PTGER4: variants seen among roughly 807,000 people sequenced by gnomAD.
PTGER4 encodes the protein prostaglandin E2 receptor EP4 subtype.
Under a neutral mutation model 33.2 loss-of-function variants are expected in PTGER4, and 11 were observed. That is an observed-to-expected ratio of 0.33 (90% CI 0.21 to 0.55). The LOEUF is 0.55. Among genes scored for constraint, PTGER4 ranks in the 20% least tolerant of loss-of-function variants. The pLI is 0.92. For missense variants in PTGER4, 481 were observed against 650.2 expected (o/e 0.74, Z 2.83); for synonymous variants, 275 against 281.5 (o/e 0.98, Z 0.23).
At chr5:40,709,261 C>T in the PTGER4 span, among the ~76,000 whole-genome samples, 1 of 152,176 alleles carries the variant, frequency 6.6e-6, no homozygotes, top group Non-Finnish European at 1.5e-5. Context: ...TTGCAGATGA[C>T]ATAATTGTAT....
the PTGER4 span, among the ~76,000 whole-genome samples, chr5:40,699,971 A>G: frequency 6.6e-6 from 1 of 152,230 alleles, no homozygotes; most frequent in Non-Finnish European, 1.5e-5. Flanking sequence ...GGCAAGAGAA[A>G]GATATAAAAG....
chr5:40,746,748 G>C, the PTGER4 span: 1 of 1,373,652 alleles, frequency 7.3e-7, no homozygotes, highest in Non-Finnish European at 1.0e-6. Flanking sequence ...CGGACAGTGA[G>C]CTAGAAAATG....
the PTGER4 span, among the ~76,000 whole-genome samples, chr5:40,736,390 T>C: frequency 6.6e-6 from 1 of 152,206 alleles, no homozygotes; most frequent in Admixed American, 6.5e-5. Flanking sequence ...AAATGCATGG[T>C]AAATTCTAAT....
chr5:40,741,642 T>A, the PTGER4 span, among the ~76,000 whole-genome samples: 1 of 152,182 alleles, frequency 6.6e-6, no homozygotes, highest in African/African-American at 2.4e-5. Context: ...CTGTGGTCTA[T>A]CTGGTTTCCT....
In PTGER4 at chr5:40,681,421, T is replaced by C. The variant is rs762995858; in HGVS notation, c.428T>C (p.Val143Ala). Residue 143 changes from valine to alanine, a missense_variant, in exon 2 of 3, where the codon GTC becomes GCC. Physicochemically the swap from Val to Ala is moderately conservative, Grantham distance 64. Around this residue, in one of 7 missense-constraint regions of PTGER4, gnomAD observed 43 missense variants for 39.4 expected, o/e 1.09. Transcript: ENST00000302472. The surrounding 1 kb of genome is among the most constrained non-coding windows in gnomAD (Gnocchi z 9.8). ...TTGGCGGGCCTCACGCTCTTTGCAGTCTATGCGTCCAACGTGCTCTTTTGC... is the reference window on the plus strand; with the variant it reads ...TTGGCGGGCCTCACGCTCTTTGCAGCCTATGCGTCCAACGTGCTCTTTTGC... ...KRLAGLTLFA[V>A]YASNVLFCAL... 1.9e-6 allele frequency: 3 copies of C among 1,613,966 alleles called. No individual in the cohort carries two copies. Among genetic ancestry groups the C allele is most frequent in the Non-Finnish European group, 2.5e-6 (3 of 1,180,020 alleles).
chr5:40,746,668 T>A, the PTGER4 span: 1 of 692,854 alleles, frequency 1.4e-6, no homozygotes. Context: ...CTTATTTCTT[T>A]GATTAATTTA....
the PTGER4 span, among the ~76,000 whole-genome samples, chr5:40,742,376 A>G: frequency 1.2e-4 from 18 of 152,210 alleles, no homozygotes. Context: ...GACAGGCAAT[A>G]TATTAAGTAC....
At chr5:40,708,980 C>T in the PTGER4 span, among the ~76,000 whole-genome samples, 1 of 152,204 alleles carries the variant, frequency 6.6e-6, no homozygotes, top group Non-Finnish European at 1.5e-5. Flanking sequence ...CAAAATTCAA[C>T]AGCACTTCAT....
chr5:40,734,604 T>C, the PTGER4 span, among the ~76,000 whole-genome samples: 63 of 152,270 alleles, frequency 4.1e-4, no homozygotes, highest in Non-Finnish European at 7.8e-4. Flanking sequence ...CAAATAGAAA[T>C]GTCAATGTGT....
chr5:40,716,254 G>T, the PTGER4 span: 2 of 1,614,154 alleles, frequency 1.2e-6, no homozygotes, highest in South Asian at 2.2e-5. Context: ...TGTTTTATTT[G>T]CTGAAACTGT....
the PTGER4 span, among the ~76,000 whole-genome samples, chr5:40,724,987 C>T: frequency 6.6e-6 from 1 of 151,582 alleles, no homozygotes; most frequent in African/African-American, 2.4e-5. Flanking sequence ...GCTGGAACTA[C>T]AGGCACACAC....
chr5:40,728,461 G>C, the PTGER4 span: 1 of 1,610,558 alleles, frequency 6.2e-7, no homozygotes, highest in Non-Finnish European at 8.5e-7. Flanking sequence ...AACATTTCAT[G>C]AAGAGACATT....
chr5:40,745,810 C>G, the PTGER4 span, among the ~76,000 whole-genome samples: 4,100 of 151,906 alleles, frequency 0.027, 59 homozygotes, highest in Middle Eastern at 0.058. Context: ...TCATAGCTCA[C>G]CGCATCCTCG....
At chr5:40,724,685 TA>T in the PTGER4 span, among the ~76,000 whole-genome samples, 1 of 151,774 alleles carries the variant, frequency 6.6e-6, no homozygotes, top group Non-Finnish European at 1.5e-5. Flanking sequence ...ATAAAGCTCA[TA>T]AACAAACTTT....
chr5:40,731,501 G>A, the PTGER4 span, among the ~76,000 whole-genome samples: 2 of 152,192 alleles, frequency 1.3e-5, no homozygotes, highest in Admixed American at 6.5e-5. Context: ...AAACTTACAA[G>A]GATGGCAGAA....
At chr5:40,731,318 T>A in the PTGER4 span, among the ~76,000 whole-genome samples, 1 of 152,098 alleles carries the variant, frequency 6.6e-6, no homozygotes, top group Non-Finnish European at 1.5e-5. Flanking sequence ...GTTTTTATAG[T>A]CCCTACCCAC....
chr5:40,684,027 A>G (rs1423720234), intron 2 of PTGER4, among the ~76,000 whole-genome samples: 1 of 151,918 alleles, frequency 6.6e-6, no homozygotes, highest in East Asian at 1.9e-4. Context: ...CAGTGGCATC[A>G]GTTTGTCGCC....
At position 40,685,415 on chromosome 5, in the gene PTGER4, A is replaced by G. The variant is rs1741299815; in HGVS notation, c.867+3555A>G. 3.0e-6 allele frequency: 3 copies of G among 985,442 alleles called. No individual in the cohort carries two copies. In the African/African-American group the frequency reaches 5.2e-5, roughly 17 times the overall value. 61.0% of individuals were successfully genotyped at this position (985,442 alleles called of 1,614,324 possible). A position where few individuals can be genotyped will look rare whatever the true frequency, so the allele number is the denominator to read the frequency against. ...AGGCAAACTGGAAGTGGAGTCATAA[A>G]ACAACTGATGGGATGTCAGATGAGT... On this transcript the variant is annotated intron_variant, in intron 2 of 2. Coordinates refer to ENST00000302472, the MANE Select transcript of PTGER4 (RefSeq NM_000958.3).
the PTGER4 span, chr5:40,716,133 A>C: frequency 6.3e-7 from 1 of 1,578,098 alleles, no homozygotes; most frequent in South Asian, 1.2e-5. Flanking sequence ...AAATAATCCT[A>C]TGCATACTGC....
Sources: allele counts gnomAD v4.1 joint callset (sites outside exome capture counted in the v4.1 genomes callset), GRCh38; gene constraint gnomAD v4.1.1; regional missense constraint gnomAD v4.1.1; non-coding constraint Gnocchi (gnomAD v3.1); transcripts MANE v1.5; gene names NCBI Gene and HGNC (gene_info 2026-07-23, HGNC 2026-07-21).